EVL: variants seen among roughly 807,000 people sequenced by gnomAD.
EVL encodes ena/VASP-like protein.
A neutral mutation model predicts 59.6 loss-of-function variants in EVL; 21 were observed. The ratio of observed to expected loss-of-function variants is 0.35; its 90% CI spans 0.25 to 0.51. The LOEUF (loss-of-function observed/expected upper bound fraction) is 0.51. EVL is among the 20% of genes least tolerant of loss of function. EVL has a pLI of 0.97. For missense variants in EVL, 462 were observed against 546.6 expected (o/e 0.85, Z 1.54); for synonymous variants, 198 against 203.5 (o/e 0.97, Z 0.23).
intron 2 of EVL, 61 bp downstream of exon 2, chr14:100,084,916 C>T: frequency 6.4e-7 from 1 of 1,559,708 alleles, no homozygotes; most frequent in Non-Finnish European, 8.8e-7. Flanking sequence ...CACCGCCCAC[C>T]CCTTACACAC....
At chr14:100,099,663 A>C (rs1886070024) in intron 3 of EVL, among the ~76,000 whole-genome samples, 6 of 151,996 alleles carry the variant, frequency 3.9e-5, no homozygotes. Context: ...CCCAAGAGCC[A>C]TGAGGTGAAT....
rs146487371 is a variant in EVL, at chr14:100,007,821, A to AAG, written c.5+35768_5+35769dup. 0.012 allele frequency among the ~76,000 whole-genome samples: 1,749 copies of AAG among 151,818 alleles called. 80 individuals are homozygous for AAG. In the East Asian group the frequency reaches 0.16, roughly 14 times the overall value. ...AGAGACAGACAGAGACAGAGAGAGA[A>AAG]AGAGAAAGAAAGAAAAGCACGGACA... On this transcript the variant is annotated intron_variant, in intron 1 of 13. Coordinates refer to the EVL transcript ENST00000402714.
In EVL at chr14:100,127,479, AC is replaced by A. The variant is rs901511249; in HGVS notation, c.487+713del. 6.6e-6 allele frequency among the ~76,000 whole-genome samples: 1 copy of A among 151,094 alleles called. No individual in the cohort carries two copies. Among genetic ancestry groups the A allele is most frequent in the African/African-American group, 2.4e-5 (1 of 40,996 alleles). ...TCGTGAGATGCTGGCTGACCCCATC[AC>A]CCCCACCTAGCTGCTGCTGGCCTCC... is the stretch of plus-strand genomic sequence containing the variant. On this transcript the variant is annotated intron_variant, in intron 5 of 13. Transcript: ENST00000392920. This position sits in a 1 kb window ranked among gnomAD's most constrained non-coding sequence, Gnocchi z 4.2.
chr14:100,017,431 G>A lies in EVL; in HGVS notation c.5+45374G>A, dbSNP rs528869710. Among the ~76,000 whole-genome samples, 4 of 152,280 alleles carry A rather than the reference G, an allele frequency of 2.6e-5. No homozygotes were observed. The South Asian group carries it at 6.2e-4, about 24-fold the overall frequency. ...ACCACCCAGTCATCAGAGCTGTCCG[G>A]TTAGAGATCATCTTGTGAGATAATA... On this transcript the variant is annotated intron_variant, in intron 1 of 13. Transcript: ENST00000402714.
rs181030049 is a variant in EVL, at chr14:100,009,594, G to C, written c.5+37537G>C. On this transcript the variant is annotated intron_variant, in intron 1 of 13. Coordinates refer to the EVL transcript ENST00000402714. ...CCTCTGTGGAAAATACAAATGTGAA[G>C]AAGACATTCTCAGATTAATTAGATT... Among the ~76,000 whole-genome samples the C allele has an allele frequency of 1.5e-3, 224 of 152,270 alleles. 1 individual carries two copies. The highest frequency in any genetic ancestry group is 2.6e-3 in the Non-Finnish European group (180 of 68,012).
intron 3 of EVL, among the ~76,000 whole-genome samples, chr14:100,117,585 T>C (rs1015931763): frequency 6.6e-6 from 1 of 152,228 alleles, no homozygotes; most frequent in African/African-American, 2.4e-5. Flanking sequence ...ACTTCAGTTT[T>C]CCAACTCTCC....
At chr14:100,131,341 G>A (rs8010800) in intron 7 of EVL, among the ~76,000 whole-genome samples, 26,142 of 152,206 alleles carry the variant, frequency 0.17, 4,029 homozygotes, top group African/African-American at 0.41. Flanking sequence ...GCCCTCCCAA[G>A]AACAAACATG....
Position 100,118,085 on chromosome 14 carries a change from C to T in EVL, c.359-5454C>T, listed in dbSNP as rs142913911. On this transcript the variant is annotated intron_variant, in intron 3 of 13. Coordinates refer to ENST00000392920, the MANE Select transcript of EVL (RefSeq NM_016337.3). Reference sequence around the variant, plus strand: ...TGTTCTGTTGGCCACGCTCTTCCTCCTGCCCTTCCTGGTATGTGCAAGCAT... The same window carrying T: ...TGTTCTGTTGGCCACGCTCTTCCTCTTGCCCTTCCTGGTATGTGCAAGCAT... Among the ~76,000 whole-genome samples, 101 of 152,360 alleles carry T rather than the reference C, an allele frequency of 6.6e-4. 1 individual carries two copies. Among genetic ancestry groups the T allele is most frequent in the African/African-American group, 2.4e-3 (100 of 41,580 alleles).
intron 1 of EVL, among the ~76,000 whole-genome samples, chr14:100,006,371 G>A (rs1296337507): frequency 4.1e-5 from 6 of 146,788 alleles, no homozygotes; most frequent in African/African-American, 1.0e-4. Context: ...TGCAACCTCC[G>A]CCTCCCGTGT....
chr14:100,079,619 CAA>C (rs796552566), intron 1 of EVL, among the ~76,000 whole-genome samples: 2 of 152,270 alleles, frequency 1.3e-5, no homozygotes, highest in South Asian at 4.2e-4. Context: ...TCACATTTCC[CAA>C]AAAACCTCTT....
In EVL at chr14:100,047,114, C is replaced by CTTTTTTTTTTTTTTTTTTTTTTT. The variant is rs1379774654; in HGVS notation, c.6-37572_6-37571insTTTTTTTTTTTTTTTTTTTTTTT. 1.0e-3 allele frequency among the ~76,000 whole-genome samples: 97 copies of CTTTTTTTTTTTTTTTTTTTTTTT among 95,108 alleles called. 22 individuals are homozygous for CTTTTTTTTTTTTTTTTTTTTTTT. The highest frequency in any genetic ancestry group is 4.4e-3 in the East Asian group (12 of 2,732). The allele number at this position is 95,108 out of a possible 152,430, so 62.4% of individuals were successfully genotyped here. On this transcript the variant is annotated intron_variant, in intron 1 of 13. Transcript: ENST00000402714. Reference sequence around the variant, plus strand: ...ATTTTGAGACCTTGGGCAGATCTCTCTCTCTTTTTTTTTTTTTTTTTTTTT... The same window carrying CTTTTTTTTTTTTTTTTTTTTTTT: ...ATTTTGAGACCTTGGGCAGATCTCTCTTTTTTTTTTTTTTTTTTTTTTTTCTCTTTTTTTTTTTTTTTTTTTTT...
intron 2 of EVL, among the ~76,000 whole-genome samples, chr14:100,095,222 A>G (rs1393061566): frequency 6.6e-6 from 1 of 152,254 alleles, no homozygotes; most frequent in Non-Finnish European, 1.5e-5. Flanking sequence ...CATTCCTGAT[A>G]TAAGGTGGTT....
intron 1 of EVL, among the ~76,000 whole-genome samples, chr14:100,069,412 G>A (rs544131913): frequency 3.1e-4 from 47 of 152,292 alleles, no homozygotes; most frequent in African/African-American, 1.0e-3. Context: ...ACAATCCTTC[G>A]CACCTAATTG....
chr14:100,005,733 T>G (rs944359742), intron 1 of EVL, among the ~76,000 whole-genome samples: 2 of 152,084 alleles, frequency 1.3e-5, no homozygotes, highest in Non-Finnish European at 2.9e-5. Context: ...TAAAAAACTT[T>G]TTAAATCTCA....
intron 4 of EVL, among the ~76,000 whole-genome samples, chr14:100,125,530 C>T (rs1305789150): frequency 6.6e-6 from 1 of 151,890 alleles, no homozygotes; most frequent in Admixed American, 6.6e-5. Context: ...GCTTTTCAGA[C>T]CTTAATGCTA....
At chr14:100,024,878 C>T (rs1423412981) in intron 1 of EVL, among the ~76,000 whole-genome samples, 2 of 152,068 alleles carry the variant, frequency 1.3e-5, no homozygotes, top group Admixed American at 1.3e-4. Context: ...AGCTCCGCAA[C>T]TCCTTCCTTC....
chr14:100,082,761 G>A (rs2062339718), intron 1 of EVL, among the ~76,000 whole-genome samples: 1 of 152,228 alleles, frequency 6.6e-6, no homozygotes, highest in African/African-American at 2.4e-5. Context: ...GGCCAGGAAG[G>A]ATGGACTAGA....
intron 3 of EVL, among the ~76,000 whole-genome samples, chr14:100,101,235 A>T (rs1056008580): frequency 6.6e-6 from 1 of 152,208 alleles, no homozygotes; most frequent in African/African-American, 2.4e-5. Flanking sequence ...CTGTAATCCC[A>T]ATACTTGGGG....
At chr14:100,019,358 C>T (rs1201806281) in intron 1 of EVL, 11 of 336,086 alleles carry the variant, frequency 3.3e-5, no homozygotes, top group Non-Finnish European at 5.3e-5. Context: ...GCCCTGGGTT[C>T]GACTTCTTTC....
Sources: allele counts gnomAD v4.1 joint callset (sites outside exome capture counted in the v4.1 genomes callset), GRCh38; gene constraint gnomAD v4.1.1; non-coding constraint Gnocchi (gnomAD v3.1); transcripts MANE v1.5; gene names NCBI Gene and HGNC (gene_info 2026-07-23, HGNC 2026-07-21).